ZNF81: variants seen among roughly 807,000 people sequenced by gnomAD.
ZNF81 encodes the protein zinc finger protein 81 (HFZ20).
In ZNF81, 5 loss-of-function variants were observed where a neutral mutation model predicts 32.3. The observed-to-expected ratio is 0.15, with a 90% CI of 0.08 to 0.33. The LOEUF (loss-of-function observed/expected upper bound fraction) is 0.33, where lower values mean the gene tolerates loss of function less well. Among genes scored for constraint, ZNF81 ranks in the 10% least tolerant of loss-of-function variants. The probability of loss-of-function intolerance (pLI) is 1.00; values close to 1 mark genes in which losing one functional copy is unlikely to be tolerated. For synonymous variants in ZNF81, 163 were observed against 166.8 expected (o/e 0.98, Z 0.17); for missense variants, 379 against 479.8 (o/e 0.79, Z 1.96).
chrX:47,912,926 A>C (rs2058743937), intron 4 of ZNF81, among the ~76,000 whole-genome samples: 1 of 111,552 alleles, frequency 9.0e-6, no homozygotes, highest in African/African-American at 3.3e-5. Context: ...TGTTAAATGC[A>C]AAAGAATGGG....
At chrX:47,906,081 C>T (rs2148039824) in intron 4 of ZNF81, among the ~76,000 whole-genome samples, 1 of 90,419 alleles carries the variant, frequency 1.1e-5, no homozygotes, top group African/African-American at 3.9e-5. Flanking sequence ...AAATATACAA[C>T]ATATATCATC....
At position 47,916,766 on chromosome X, in the gene ZNF81, C is replaced by G. The variant is rs1182083735; in HGVS notation, c.*134C>G. ...TAAGGAAAAGCATCAGGCTATCTCA[C>G]TTGAGATGGAAAAAAATTATTCAGA... On this transcript the variant is annotated 3_prime_UTR_variant, in exon 5 of 5. Coordinates refer to ENST00000338637, the MANE Select transcript of ZNF81 (RefSeq NM_007137.5). 7.3e-6 allele frequency: 5 copies of G among 680,677 alleles called. No homozygotes were observed. The African/African-American group carries it at 1.1e-4, about 15-fold the overall frequency. 56.1% of individuals were successfully genotyped at this position (680,677 alleles called of 1,213,427 possible). A position where few individuals can be genotyped will look rare whatever the true frequency, so the allele number is the denominator to read the frequency against.
intron 2 of ZNF81, among the ~76,000 whole-genome samples, chrX:47,871,590 T>G (rs895248014): frequency 7.1e-5 from 8 of 112,020 alleles, no homozygotes; most frequent in African/African-American, 2.3e-4. Flanking sequence ...TGATCATCTA[T>G]TTGACCAGGA....
At chrX:47,901,648 C>A (rs2058698595) in intron 4 of ZNF81, among the ~76,000 whole-genome samples, 1 of 110,979 alleles carries the variant, frequency 9.0e-6, no homozygotes, top group Non-Finnish European at 1.9e-5. Flanking sequence ...CTGAGATAAA[C>A]CTTACTTCAT....
In ZNF81 at chrX:47,915,312, G is replaced by A; in HGVS notation, c.666G>A (p.Gly222=). The A allele has an allele frequency of 2.5e-6, 3 of 1,211,497 alleles. No homozygotes were observed. The highest frequency in any genetic ancestry group is 2.2e-6 in the Non-Finnish European group (2 of 895,425). ...NAAKNLDKTI[G]HGQVFTQNSS... is the part of the protein sequence containing the mutation. ...CAAAGAACCTGGATAAAACTATTGG[G>A]CATGGTCAAGTTTTTACCCAGAACT... is the stretch of plus-strand genomic sequence containing the variant. Residue 222 remains glycine, a synonymous_variant, in exon 5 of 5, where the codon GGG becomes GGA. Transcript: ENST00000338637.
intron 4 of ZNF81, among the ~76,000 whole-genome samples, chrX:47,907,389 G>GTC (rs1414473349): frequency 9.8e-6 from 1 of 102,290 alleles, no homozygotes; most frequent in Non-Finnish European, 2.0e-5. Flanking sequence ...CATTTAAACT[G>GTC]TCTTGTTCAG....
rs782109555 is a variant in ZNF81, at chrX:47,847,781, A to C, written c.54+1460A>C. On this transcript the variant is annotated intron_variant, in intron 2 of 4. Coordinates refer to ENST00000338637, the MANE Select transcript of ZNF81 (RefSeq NM_007137.5). ...TGCATGTCTGAAAATGTCATGCAGA[A>C]ATATATTTACTGAATACATATAACT... Among the ~76,000 whole-genome samples the C allele has an allele frequency of 4.4e-5, 5 of 112,422 alleles. No individual in the cohort carries two copies. The East Asian group carries it at 1.1e-3, about 25-fold the overall frequency.
chrX:47,921,745 A>G lies in ZNF81; in HGVS notation c.*5113A>G, dbSNP rs2058777783. 9.0e-6 allele frequency: 1 copy of G among 111,137 alleles called. No homozygotes were observed. Among genetic ancestry groups the G allele is most frequent in the South Asian group, 3.8e-4 (1 of 2,615 alleles). The allele number at this position is 111,137 out of a possible 1,213,427, so 9.2% of individuals were successfully genotyped here. A position where few individuals can be genotyped will look rare whatever the true frequency, so the allele number is the denominator to read the frequency against. On this transcript the variant is annotated 3_prime_UTR_variant, in exon 5 of 5. Coordinates refer to ENST00000338637, the MANE Select transcript of ZNF81 (RefSeq NM_007137.5). ...GAAACCTGCTGCTACATCATGAGAT[A>G]GCCCTGTGGAAAGGTCCACATGAGT...
chrX:47,912,413 G>T (rs1276233606), intron 4 of ZNF81, among the ~76,000 whole-genome samples: 5 of 103,036 alleles, frequency 4.9e-5, no homozygotes, highest in African/African-American at 1.8e-4. Flanking sequence ...AAAGTCAGTG[G>T]TATAATTTAT....
intron 2 of ZNF81, among the ~76,000 whole-genome samples, chrX:47,880,527 T>C (rs2058616611): frequency 1.8e-5 from 2 of 112,579 alleles, no homozygotes; most frequent in Admixed American, 9.4e-5. Context: ...TGATCATTGC[T>C]TTTATTAGCA....
chrX:47,917,871 G>A lies in ZNF81; in HGVS notation c.*1239G>A, dbSNP rs2058762892. 9.0e-6 allele frequency: 1 copy of A among 111,286 alleles called. No individual in the cohort carries two copies. Among genetic ancestry groups the A allele is most frequent in the Admixed American group, 9.6e-5 (1 of 10,448 alleles). 9.2% of individuals were successfully genotyped at this position (111,286 alleles called of 1,213,427 possible). A position where few individuals can be genotyped will look rare whatever the true frequency, so the allele number is the denominator to read the frequency against. ...GGGAGGGGGCATAGTGGACCAAAAC[G>A]TGACAAGTGGCATTGGCTTTGGGTC... On this transcript the variant is annotated 3_prime_UTR_variant, in exon 5 of 5. Coordinates refer to ENST00000338637, the MANE Select transcript of ZNF81 (RefSeq NM_007137.5).
intron 2 of ZNF81, among the ~76,000 whole-genome samples, chrX:47,881,718 G>C (rs782404157): frequency 8.9e-6 from 1 of 111,735 alleles, no homozygotes; most frequent in African/African-American, 3.3e-5. Context: ...CAGTAGAATT[G>C]ACTGTTTTCT....
chrX:47,840,651 GC>G (rs1484830703), intron 1 of ZNF81, among the ~76,000 whole-genome samples: 1 of 110,407 alleles, frequency 9.1e-6, no homozygotes, highest in Non-Finnish European at 1.9e-5. Context: ...GGGATTACAG[GC>G]ATGCGCCACC....
chrX:47,841,149 C>T, intron 1 of ZNF81: 1 of 820,619 alleles, frequency 1.2e-6, no homozygotes, highest in Non-Finnish European at 1.8e-6. Context: ...TGAGGTCTTC[C>T]AAGCAAATGA....
intron 2 of ZNF81, among the ~76,000 whole-genome samples, chrX:47,850,276 G>A (rs782002387): frequency 1.8e-3 from 193 of 106,542 alleles, no homozygotes; most frequent in African/African-American, 5.8e-3. Context: ...ACTTTGAGAA[G>A]CTGAGGCAGG....
intron 2 of ZNF81, among the ~76,000 whole-genome samples, chrX:47,849,044 T>C (rs2058482803): frequency 8.9e-6 from 1 of 112,136 alleles, no homozygotes; most frequent in Non-Finnish European, 1.9e-5. Context: ...GAAATTTTTA[T>C]CAATTTTTGT....
chrX:47,906,637 T>G (rs1261505001), intron 4 of ZNF81, among the ~76,000 whole-genome samples: 1 of 110,857 alleles, frequency 9.0e-6, no homozygotes, highest in East Asian at 2.8e-4. Context: ...GCCAACATAG[T>G]GAAACCCCGT....
intron 2 of ZNF81, among the ~76,000 whole-genome samples, chrX:47,862,294 C>T (rs1043991156): frequency 1.8e-5 from 2 of 109,614 alleles, no homozygotes; most frequent in Non-Finnish European, 3.8e-5. Context: ...TTGGGAGGTC[C>T]GAGGCAGGCG....
intron 4 of ZNF81, among the ~76,000 whole-genome samples, chrX:47,904,752 A>G (rs2058713971): frequency 8.9e-6 from 1 of 111,984 alleles, no homozygotes; most frequent in African/African-American, 3.3e-5. Context: ...TGCTATGAAG[A>G]CACATGCACA....
Sources: gnomAD v4.1 joint callset for allele counts (sites outside exome capture counted in the v4.1 genomes callset) on GRCh38, gnomAD v4.1.1 for gene constraint, MANE v1.5 for transcripts, NCBI Gene and HGNC (gene_info 2026-07-23, HGNC 2026-07-21) for gene names.